FAT3: variants seen among roughly 807,000 people sequenced by gnomAD.
FAT3 encodes the protein FAT atypical cadherin 3, also known as protocadherin Fat 3.
FAT3 carries 95 observed loss-of-function variants against 310.2 expected under a neutral mutation model. The observed-to-expected ratio is 0.31, with a 90% CI of 0.26 to 0.36. The LOEUF is 0.36. FAT3 is among the 10% of genes least tolerant of loss of function. FAT3 has a pLI of 1.00. For missense variants in FAT3, 5,408 were observed against 5,715.6 expected, an observed-to-expected ratio of 0.95 and a Z score of 1.74; for synonymous variants, 2,314 against 2,192.9, an observed-to-expected ratio of 1.06 and a Z score of -1.54.
At chr11:92,372,967 G>A (rs764633369) in intron 2 of FAT3, among the ~76,000 whole-genome samples, 12 of 152,016 alleles carry the variant, frequency 7.9e-5, no homozygotes, top group African/African-American at 1.7e-4. Context: ...GCCAGCAAAC[G>A]ATTTTTTAAA....
At chr11:92,617,926 G>A (rs1940891100) in intron 3 of FAT3, among the ~76,000 whole-genome samples, 1 of 152,204 alleles carries the variant, frequency 6.6e-6, no homozygotes, top group African/African-American at 2.4e-5. Context: ...GGCTACTCGG[G>A]CATCAGGGCC....
Position 92,859,251 on chromosome 11 carries a change from C to G in FAT3, c.11587C>G (p.Leu3863Val). The part of the protein sequence containing the change: ...NSKEEDFKLA[L>V]RLRTLQSNGI... ...CAAAGAAGAGGATTTCAAACTAGCT[C>G]TGCGTCTTCGAACACTGCAAAGCAA... is the stretch of plus-strand genomic sequence containing the variant. The change falls in exon 21 of 28, where the codon CTG becomes GTG. Residue 3863 changes from leucine to valine, a missense_variant. Leu to Val is a conservative substitution (Grantham distance 32). Around this residue, in one of 5 missense-constraint regions of FAT3, gnomAD observed 4,588 missense variants for 4,809.8 expected, o/e 0.95. Coordinates refer to ENST00000525166, the MANE Select transcript of FAT3 (RefSeq NM_001367949.2). The G allele has an allele frequency of 6.2e-7, 1 of 1,613,784 alleles. No homozygotes were observed. Among genetic ancestry groups the G allele is most frequent in the Non-Finnish European group, 8.5e-7 (1 of 1,179,832 alleles).
chr11:92,581,345 A>C (rs1036612995), intron 3 of FAT3, among the ~76,000 whole-genome samples: 10 of 151,678 alleles, frequency 6.6e-5, no homozygotes, highest in African/African-American at 2.4e-4. Flanking sequence ...CCTTGCAGTG[A>C]GGCTGTTCTT....
chr11:92,266,447 A>T (rs1945954305), intron 1 of FAT3, among the ~76,000 whole-genome samples: 1 of 152,222 alleles, frequency 6.6e-6, no homozygotes, highest in Non-Finnish European at 1.5e-5. Flanking sequence ...GTGTGGCCTC[A>T]GTTGATAGGT....
chr11:92,858,907 AC>A (rs1209575148), intron 20 of FAT3, among the ~76,000 whole-genome samples: 3 of 152,210 alleles, frequency 2.0e-5, no homozygotes, highest in Non-Finnish European at 4.4e-5. Flanking sequence ...TGTGGAATTT[AC>A]CAAGTGGCTC....
At chr11:92,832,044 G>A (rs1441594012) in intron 14 of FAT3, 33 bp downstream of exon 14, 8 of 1,500,906 alleles carry the variant, frequency 5.3e-6, no homozygotes, top group Non-Finnish European at 7.1e-6. Flanking sequence ...AGAATACAGA[G>A]CTTCAGCTTG....
intron 17 of FAT3, among the ~76,000 whole-genome samples, chr11:92,839,960 A>G (rs1184832253): frequency 2.0e-5 from 3 of 152,220 alleles, no homozygotes; most frequent in Non-Finnish European, 4.4e-5. Context: ...TCATTGTCAA[A>G]TGGAGGAATG....
rs202000860 is a variant in FAT3 at position 92,229,502 on chromosome 11, T to TG, written c.-18+4328_-18+4329insG. ...TTTTTGTTTTTTCGTGTTTTTTTTTTTTTTGTTTTTTGTTTTTTTTTACAT... is the reference window on the plus strand; with the variant it reads ...TTTTTGTTTTTTCGTGTTTTTTTTTTGTTTTGTTTTTTGTTTTTTTTTACAT... On this transcript the variant is annotated intron_variant, in intron 1 of 27. Coordinates refer to ENST00000525166, the MANE Select transcript of FAT3 (RefSeq NM_001367949.2). 6.0e-3 allele frequency among the ~76,000 whole-genome samples: 446 copies of TG among 73,964 alleles called. 24 individuals are homozygous for TG. The highest frequency in any genetic ancestry group is 0.017 in the African/African-American group (421 of 24,250). 48.5% of individuals were successfully genotyped at this position (73,964 alleles called of 152,430 possible).
rs750186856 is a variant in FAT3, at chr11:92,806,450, A to G, written c.9182A>G (p.Asn3061Ser). The change falls in exon 12 of 28, where the codon AAT becomes AGT. Residue 3061 changes from asparagine to serine, a missense_variant. By Grantham distance (46) the Asn-to-Ser change is conservative (BLOSUM62 1). Around this residue, in one of 5 missense-constraint regions of FAT3, gnomAD observed 4,588 missense variants for 4,809.8 expected, o/e 0.95. Transcript: ENST00000525166. ...GCAAAGGATGCTGATATTGGATCCA[A>G]TGGATATATACGATACTCACTCTAT... ...VSAKDADIGS[N>S]GYIRYSLYGS... 1.9e-6 allele frequency: 3 copies of G among 1,579,810 alleles called. No homozygotes were observed. Among genetic ancestry groups the G allele is most frequent in the South Asian group, 1.2e-5 (1 of 86,360 alleles).
intron 3 of FAT3, among the ~76,000 whole-genome samples, chr11:92,683,967 T>C (rs1943559400): frequency 6.6e-6 from 1 of 152,188 alleles, no homozygotes; most frequent in Non-Finnish European, 1.5e-5. Context: ...CCATGACATG[T>C]AGCATCGACA....
At chr11:92,886,343 G>GTGTGTA (rs887875293) in intron 24 of FAT3, among the ~76,000 whole-genome samples, 11 of 152,104 alleles carry the variant, frequency 7.2e-5, no homozygotes, top group African/African-American at 2.2e-4. Context: ...GTGTGTGTGT[G>GTGTGTA]TGTGTGTGCA....
At chr11:92,791,551 A>G (rs559385952) in intron 8 of FAT3, among the ~76,000 whole-genome samples, 134 of 152,286 alleles carry the variant, frequency 8.8e-4, no homozygotes, top group African/African-American at 2.8e-3. Flanking sequence ...ACCCTCTACC[A>G]TTTATCACTT....
intron 3 of FAT3, among the ~76,000 whole-genome samples, chr11:92,612,493 T>C (rs1006155479): frequency 2.2e-4 from 33 of 152,204 alleles, no homozygotes; most frequent in African/African-American, 8.0e-4. Flanking sequence ...GACTTCTTTA[T>C]CTGAATAAAG....
intron 1 of FAT3, among the ~76,000 whole-genome samples, chr11:92,285,173 T>A (rs534691634): frequency 5.3e-5 from 8 of 152,290 alleles, no homozygotes; most frequent in African/African-American, 1.7e-4. Context: ...AAGACTGATG[T>A]CTTCCATTTT....
At chr11:92,363,584 T>G (rs1373500613) in intron 2 of FAT3, among the ~76,000 whole-genome samples, 3 of 152,216 alleles carry the variant, frequency 2.0e-5, no homozygotes, top group Non-Finnish European at 2.9e-5. Context: ...TGGCTTTGGT[T>G]TAATTCATGA....
At position 92,354,850 on chromosome 11, in the gene FAT3, G is replaced by A. The variant is rs1227193036; in HGVS notation, c.2738G>A (p.Gly913Asp). 6.2e-7 allele frequency: 1 copy of A among 1,613,906 alleles called. No individual in the cohort carries two copies. Among genetic ancestry groups the A allele is most frequent in the South Asian group, 1.1e-5 (1 of 91,086 alleles). Residue 913 changes from glycine to aspartate, a missense_variant, in exon 2 of 28, where the codon GGT becomes GAT. Around this residue, in one of 5 missense-constraint regions of FAT3, gnomAD observed 4,588 missense variants for 4,809.8 expected, o/e 0.95. Transcript: ENST00000525166. ...KIEARDKAESGQQLFSVVTLK... is the reference protein window; with the variant it reads ...KIEARDKAESDQQLFSVVTLK... ...GAAGCCAGGGACAAGGCAGAGAGTG[G>A]TCAGCAGCTGTTTTCAGTTGTCACT...
chr11:92,306,585 T>C (rs545902756), intron 1 of FAT3, among the ~76,000 whole-genome samples: 1 of 128,154 alleles, frequency 7.8e-6, no homozygotes, highest in Non-Finnish European at 1.6e-5. Flanking sequence ...TATATATATT[T>C]ATATTATATA....
At position 92,805,162 on chromosome 11, in the gene FAT3, C is replaced by G. The variant is rs1947468263; in HGVS notation, c.8906C>G (p.Pro2969Arg). The G allele has an allele frequency of 5.0e-6, 8 of 1,609,342 alleles. No individual in the cohort carries two copies. The highest frequency in any genetic ancestry group is 6.8e-6 in the Non-Finnish European group (8 of 1,177,026). ...GTTTTTTTAACTGCAGGAGGAAACC[C>G]TCGAGGAAGGTTTGCTCTGGGCCTG... ...QVSYHITGGN[P>R]RGRFALGLVQ... The change falls in exon 11 of 28, where the codon CCT becomes CGT. Residue 2969 changes from proline (P) to arginine (R), a missense_variant. Around this residue, in one of 5 missense-constraint regions of FAT3, gnomAD observed 4,588 missense variants for 4,809.8 expected, o/e 0.95. Transcript: ENST00000525166.
rs923897852 is a variant in FAT3 at position 92,876,564 on chromosome 11, T to G, written c.12128-4167T>G. Among the ~76,000 whole-genome samples, 5 of 152,206 alleles carry G rather than the reference T, an allele frequency of 3.3e-5. No individual in the cohort carries two copies. The East Asian group carries it at 9.6e-4, about 29-fold the overall frequency. ...GCTTTGCGTTTAAGGGCATTCTTTT[T>G]CTAATATCTATGTGTCACTCTCTGA... On this transcript the variant is annotated intron_variant, in intron 22 of 27. Transcript: ENST00000525166.
Sources: gnomAD v4.1 joint callset for allele counts (sites outside exome capture counted in the v4.1 genomes callset) on GRCh38, gnomAD v4.1.1 for gene constraint, gnomAD v4.1.1 regional missense constraint, MANE v1.5 for transcripts, NCBI Gene and HGNC (gene_info 2026-07-23, HGNC 2026-07-21) for gene names.